The following ADGRL2 variants were observed in gnomAD, a reference collection of about 807,000 sequenced individuals.
ADGRL2 encodes the protein calcium-independent alpha-latrotoxin receptor 2.
Under a neutral mutation model 157.4 loss-of-function variants are expected in ADGRL2, and 44 were observed. That is an observed-to-expected ratio of 0.28 (90% CI 0.22 to 0.36). The LOEUF (loss-of-function observed/expected upper bound fraction) is 0.36, where lower values mean the gene tolerates loss of function less well. ADGRL2 is among the 10% of genes least tolerant of loss of function. The pLI is 1.00. For missense variants in ADGRL2, 1,510 were observed against 1,768.9 expected (o/e 0.85, Z 2.63); for synonymous variants, 585 against 624.7 (o/e 0.94, Z 0.95).
At chr1:81,357,982 G>A (rs747157631) in intron 1 of ADGRL2, among the ~76,000 whole-genome samples, 12 of 151,864 alleles carry the variant, frequency 7.9e-5, no homozygotes, top group Non-Finnish European at 1.6e-4. Flanking sequence ...AGAATATGGG[G>A]GTAATAATAA....
chr1:81,485,034 A>C (rs1429256397), intron 2 of ADGRL2, among the ~76,000 whole-genome samples: 1 of 152,172 alleles, frequency 6.6e-6, no homozygotes, highest in African/African-American at 2.4e-5. Context: ...CCAATGATAA[A>C]TATACAGTAT....
At position 81,606,423 on chromosome 1, in the gene ADGRL2, A is replaced by C. The variant is rs945595046; in HGVS notation, c.-143+25443A>C. On this transcript the variant is annotated intron_variant, in intron 3 of 24. Coordinates refer to the ADGRL2 transcript ENST00000370721. ...TCAAAGATTACAGACACCTGAAACA[A>C]CTTTTAAATAGGCCAATGCACAAAG... Among the ~76,000 whole-genome samples the C allele has an allele frequency of 2.0e-5, 3 of 152,132 alleles. 1 individual carries two copies. The East Asian group carries it at 5.8e-4, about 29-fold the overall frequency.
rs1260325095 is a variant in ADGRL2, at chr1:81,824,830, G to C, written c.-100-12055G>C. Among the ~76,000 whole-genome samples the C allele has an allele frequency of 3.3e-5, 5 of 152,264 alleles. No individual in the cohort carries two copies. In the East Asian group the frequency reaches 7.7e-4, roughly 24 times the overall value. On this transcript the variant is annotated intron_variant, in intron 1 of 23. Coordinates refer to ENST00000686636, the MANE Select transcript of ADGRL2 (RefSeq NM_001366006.2). ...AATAAAAAATCTTGAGTAAAAGTCA[G>C]TTTCAGAGGTATATTCAGAAATATT... is the stretch of plus-strand genomic sequence containing the variant.
At chr1:81,824,141 A>T (rs1410064409) in intron 1 of ADGRL2, among the ~76,000 whole-genome samples, 5 of 152,186 alleles carry the variant, frequency 3.3e-5, no homozygotes, top group Non-Finnish European at 7.3e-5. Flanking sequence ...TATCTTCTGA[A>T]TCATTGTATT....
chr1:81,554,740 T>A (rs891724429), intron 2 of ADGRL2, among the ~76,000 whole-genome samples: 7 of 152,134 alleles, frequency 4.6e-5, no homozygotes, highest in Admixed American at 6.5e-5. Flanking sequence ...TTATATGAGC[T>A]TTTAAAAGCT....
chr1:81,719,186 TC>T (rs1246992155), intron 1 of ADGRL2, among the ~76,000 whole-genome samples: 2 of 152,244 alleles, frequency 1.3e-5, no homozygotes, highest in Non-Finnish European at 2.9e-5. Context: ...ATACCCTTTT[TC>T]AACATAAATT....
intron 2 of ADGRL2, among the ~76,000 whole-genome samples, chr1:81,793,515 T>C (rs2087445661): frequency 6.6e-6 from 1 of 152,128 alleles, no homozygotes; most frequent in African/African-American, 2.4e-5. Context: ...CTTCAGAGTA[T>C]TTAAACACTT....
At chr1:81,689,172 G>A (rs1337358447) in intron 3 of ADGRL2, among the ~76,000 whole-genome samples, 3 of 152,196 alleles carry the variant, frequency 2.0e-5, no homozygotes, top group African/African-American at 4.8e-5. Flanking sequence ...TGTAGCATTT[G>A]TCAGCTTTCC....
intron 3 of ADGRL2, among the ~76,000 whole-genome samples, chr1:81,676,864 AT>A (rs1054294728): frequency 1.4e-5 from 2 of 140,756 alleles, no homozygotes; most frequent in Non-Finnish European, 3.1e-5. Flanking sequence ...TTTTTTTTGT[AT>A]TTTTTAGTAG....
At chr1:81,821,696 A>T (rs762246682) in intron 1 of ADGRL2, among the ~76,000 whole-genome samples, 4 of 152,204 alleles carry the variant, frequency 2.6e-5, no homozygotes, top group Non-Finnish European at 5.9e-5. Context: ...GAAATGCCGG[A>T]ACAATTTCTT....
intron 1 of ADGRL2, among the ~76,000 whole-genome samples, chr1:81,443,437 CAA>C (rs199968094): frequency 0.014 from 1,654 of 117,812 alleles, 14 homozygotes; most frequent in African/African-American, 0.032. Flanking sequence ...AACTCCATCT[CAA>C]AAAAAAAAAA....
chr1:81,405,631 C>CAA (rs35052629), intron 1 of ADGRL2, among the ~76,000 whole-genome samples: 19,950 of 118,958 alleles, frequency 0.17, 1,644 homozygotes, highest in African/African-American at 0.25. Flanking sequence ...GCCTGAATGA[C>CAA]AAAAAAAAAA....
chr1:81,639,370 C>T (rs545733283), intron 3 of ADGRL2, among the ~76,000 whole-genome samples: 219 of 152,062 alleles, frequency 1.4e-3, no homozygotes, highest in African/African-American at 4.4e-3. Context: ...TGGGCCCCAC[C>T]AGAAAGTTCC....
chr1:81,339,669 T>A (rs558040775), intron 1 of ADGRL2, among the ~76,000 whole-genome samples: 1 of 152,188 alleles, frequency 6.6e-6, no homozygotes, highest in African/African-American at 2.4e-5. Context: ...CTTAGCCTTT[T>A]CAGTCTCTCA....
intron 2 of ADGRL2, among the ~76,000 whole-genome samples, chr1:81,840,345 C>T (rs1447358540): frequency 1.3e-5 from 2 of 151,308 alleles, no homozygotes; most frequent in African/African-American, 4.9e-5. Context: ...CCTTTTAGAT[C>T]TTTTTTTTTC....
chr1:81,634,531 TTTTG>T lies in ADGRL2; in HGVS notation c.-143+53567_-143+53570del, dbSNP rs1557523652. 1.1e-4 allele frequency among the ~76,000 whole-genome samples: 17 copies of T among 151,590 alleles called. 1 individual carries two copies. The South Asian group carries it at 2.1e-3, about 19-fold the overall frequency. On this transcript the variant is annotated intron_variant, in intron 3 of 24. Coordinates refer to the ADGRL2 transcript ENST00000370721. The stretch of plus-strand genomic sequence containing the variant: ...TATCTTGTTTTTTTTTTTTTGGTTT[TTTTG>T]TTTGTTTGTTTGTTTTTGAGATGGA...
intron 2 of ADGRL2, among the ~76,000 whole-genome samples, chr1:81,449,305 A>G (rs902529794): frequency 6.6e-6 from 1 of 151,824 alleles, no homozygotes; most frequent in Non-Finnish European, 1.5e-5. Flanking sequence ...ATACTATGGA[A>G]TTATATTATC....
chr1:81,410,404 C>A (rs2076927487), intron 1 of ADGRL2, among the ~76,000 whole-genome samples: 1 of 152,200 alleles, frequency 6.6e-6, no homozygotes, highest in African/African-American at 2.4e-5. Flanking sequence ...AGGTACCATT[C>A]TTTCCTTCTT....
intron 3 of ADGRL2, among the ~76,000 whole-genome samples, chr1:81,914,790 T>C (rs886455823): frequency 6.6e-6 from 1 of 152,200 alleles, no homozygotes; most frequent in Non-Finnish European, 1.5e-5. Flanking sequence ...TCTACTAATA[T>C]AGATTCTTGA....
Sources: allele counts gnomAD v4.1 joint callset (sites outside exome capture counted in the v4.1 genomes callset), GRCh38; gene constraint gnomAD v4.1.1; transcripts MANE v1.5; gene names NCBI Gene and HGNC (gene_info 2026-07-23, HGNC 2026-07-21).